Variants in MRRF observed in about 807,000 individuals in gnomAD.
MRRF encodes mitochondrial ribosome recycling factor.
MRRF carries 18 observed loss-of-function variants against 25.1 expected under a neutral mutation model. The ratio of observed to expected loss-of-function variants is 0.72; its 90% CI spans 0.50 to 1.06. The LOEUF is 1.06. MRRF is among the 50% of genes least tolerant of loss of function. MRRF has a pLI of 0.00. For missense variants in MRRF, 323 were observed against 319.3 expected, an observed-to-expected ratio of 1.01 and a Z score of -0.09; for synonymous variants, 113 against 112.1, an observed-to-expected ratio of 1.01 and a Z score of -0.05.
chr9:122,315,712 G>A (rs1014908634), intron 6 of MRRF, among the ~76,000 whole-genome samples: 1 of 151,972 alleles, frequency 6.6e-6, no homozygotes, highest in African/African-American at 2.4e-5. Flanking sequence ...CTTTCTCCTA[G>A]GGGATTTCTT....
intron 4 of MRRF, among the ~76,000 whole-genome samples, chr9:122,291,021 A>G (rs889803575): frequency 2.0e-5 from 3 of 152,204 alleles, no homozygotes; most frequent in Admixed American, 6.5e-5. Context: ...GAGTATTACT[A>G]TGTCCCAGGC....
At chr9:122,316,772 A>G (rs1835557022) in intron 6 of MRRF, among the ~76,000 whole-genome samples, 1 of 151,914 alleles carries the variant, frequency 6.6e-6, no homozygotes, top group African/African-American at 2.4e-5. Context: ...CCCACATTGG[A>G]GAGGCAACCG....
chr9:122,286,329 A>T (rs1833405728), intron 4 of MRRF, among the ~76,000 whole-genome samples: 1 of 152,180 alleles, frequency 6.6e-6, no homozygotes, highest in Non-Finnish European at 1.5e-5. Context: ...TCTGATAGCT[A>T]ATGGGCCAGG....
Position 122,328,466 on chromosome 9 carries a change from A to C in MRRF, c.*5849A>C, listed in dbSNP as rs1421257909. 6.6e-6 allele frequency: 1 copy of C among 152,244 alleles called. No individual in the cohort carries two copies. The highest frequency in any genetic ancestry group is 2.4e-5 in the African/African-American group (1 of 41,462). The allele number at this position is 152,244 out of a possible 1,614,324, so 9.4% of individuals were successfully genotyped here. A position where few individuals can be genotyped will look rare whatever the true frequency, so the allele number is the denominator to read the frequency against. On this transcript the variant is annotated 3_prime_UTR_variant, in exon 7 of 7. Coordinates refer to ENST00000344641, the MANE Select transcript of MRRF (RefSeq NM_138777.5). ...GATTAGGAACATCATGTTAAGTGGA[A>C]TCATACAGGATTTGTCTTTTTGTGA...
At chr9:122,267,830 G>A (rs1412524034) in intron 1 of MRRF, among the ~76,000 whole-genome samples, 1 of 152,182 alleles carries the variant, frequency 6.6e-6, no homozygotes, top group African/African-American at 2.4e-5. Context: ...ATAAATGTTA[G>A]GTATTGTCAT....
intron 3 of MRRF, among the ~76,000 whole-genome samples, chr9:122,281,447 A>C (rs1833088585): frequency 6.6e-6 from 1 of 152,226 alleles, no homozygotes; most frequent in Non-Finnish European, 1.5e-5. Flanking sequence ...TGAAAAATAC[A>C]GCTCCACTTA....
At chr9:122,272,181 A>G (rs926323532) in intron 2 of MRRF, among the ~76,000 whole-genome samples, 2 of 152,220 alleles carry the variant, frequency 1.3e-5, no homozygotes, top group Non-Finnish European at 2.9e-5. Context: ...CCATTTTATA[A>G]ACGAAGAAAC....
intron 5 of MRRF, among the ~76,000 whole-genome samples, chr9:122,302,318 ACT>A (rs1467244870): frequency 4.6e-5 from 7 of 151,950 alleles, no homozygotes; most frequent in Non-Finnish European, 1.5e-5. Flanking sequence ...CCAAAAAGAC[ACT>A]CTACCCACCA....
At chr9:122,296,805 G>A (rs1175860914) in intron 5 of MRRF, among the ~76,000 whole-genome samples, 2 of 152,092 alleles carry the variant, frequency 1.3e-5, no homozygotes, top group East Asian at 3.9e-4. Context: ...ATGTCTATGG[G>A]AAAACCACAC....
chr9:122,265,690 A>G (rs41307483), intron 1 of MRRF: 935 of 1,132,630 alleles, frequency 8.3e-4, no homozygotes, highest in Non-Finnish European at 1.1e-3. Context: ...ATCACTTGGT[A>G]CAAGTCACAA....
At chr9:122,282,152 T>A (rs1437133924) in intron 3 of MRRF, among the ~76,000 whole-genome samples, 1 of 152,220 alleles carries the variant, frequency 6.6e-6, no homozygotes, top group Non-Finnish European at 1.5e-5. Flanking sequence ...AACTAGTCTC[T>A]TTTGCCAGAT....
At chr9:122,297,787 G>A (rs759790427) in intron 5 of MRRF, among the ~76,000 whole-genome samples, 23 of 152,250 alleles carry the variant, frequency 1.5e-4, no homozygotes, top group Non-Finnish European at 1.5e-5. Flanking sequence ...ATAGTACTGC[G>A]CTTCTTAGAG....
chr9:122,311,821 A>G (rs1364115922), intron 5 of MRRF, among the ~76,000 whole-genome samples: 1 of 152,128 alleles, frequency 6.6e-6, no homozygotes, highest in Non-Finnish European at 1.5e-5. Flanking sequence ...AGATTCATTT[A>G]TTTTCTGCCC....
intron 4 of MRRF, among the ~76,000 whole-genome samples, chr9:122,289,298 A>G (rs1239414715): frequency 6.6e-6 from 1 of 152,222 alleles, no homozygotes; most frequent in Admixed American, 6.5e-5. Context: ...ATATTCAATC[A>G]ACAAGCTTTT....
chr9:122,313,151 A>T, intron 5 of MRRF, 76 bp from the exon 6 acceptor site: 19 of 1,438,922 alleles, frequency 1.3e-5, no homozygotes, highest in Non-Finnish European at 1.8e-5. Flanking sequence ...GAACTGGTTG[A>T]CAGAGTGATG....
At chr9:122,301,587 G>A (rs1415124531) in intron 5 of MRRF, among the ~76,000 whole-genome samples, 1 of 152,174 alleles carries the variant, frequency 6.6e-6, no homozygotes, top group Non-Finnish European at 1.5e-5. Flanking sequence ...GGAGTAGACA[G>A]GGATAACCTT....
chr9:122,312,324 CATT>C (rs780640443), intron 5 of MRRF, among the ~76,000 whole-genome samples: 21 of 152,294 alleles, frequency 1.4e-4, no homozygotes, highest in Admixed American at 5.2e-4. Flanking sequence ...TAATTAGACT[CATT>C]GTTGTTTTGA....
At chr9:122,291,952 C>G in intron 5 of MRRF, 112 bp downstream of exon 5, 1 of 800,438 alleles carries the variant, frequency 1.2e-6, no homozygotes, top group Non-Finnish European at 2.3e-6. Context: ...TTACCTGTAC[C>G]TTTCACCCTG....
intron 2 of MRRF, among the ~76,000 whole-genome samples, chr9:122,273,861 G>T (rs1832615836): frequency 6.6e-6 from 1 of 152,116 alleles, no homozygotes; most frequent in South Asian, 2.1e-4. Context: ...CATAATGGTT[G>T]TTTGTGCATT....
Sources: gnomAD v4.1 joint callset for allele counts (sites outside exome capture counted in the v4.1 genomes callset) on GRCh38, gnomAD v4.1.1 for gene constraint, MANE v1.5 for transcripts, NCBI Gene and HGNC (gene_info 2026-07-23, HGNC 2026-07-21) for gene names.